Variants in NAV3 observed in about 807,000 individuals in gnomAD.
NAV3 encodes the protein neuron navigator 3, also known as pore membrane and/or filament interacting like protein 1.
Under a neutral mutation model 244.7 loss-of-function variants are expected in NAV3, and 87 were observed. The ratio of observed to expected loss-of-function variants is 0.36; its 90% CI spans 0.30 to 0.42. The LOEUF is 0.42. NAV3 is among the 20% of genes least tolerant of loss of function. The pLI, the probability that NAV3 is intolerant of heterozygous loss-of-function variation, is 1.00. For synonymous variants in NAV3, 1,126 were observed against 1,042.2 expected, an observed-to-expected ratio of 1.08 and a Z score of -1.55; for missense variants, 2,663 against 2,893.3, an observed-to-expected ratio of 0.92 and a Z score of 1.83.
intron 2 of NAV3, among the ~76,000 whole-genome samples, chr12:77,700,872 G>C (rs940621484): frequency 6.6e-6 from 1 of 151,476 alleles, no homozygotes; most frequent in Non-Finnish European, 1.5e-5. Context: ...ATACAACCTT[G>C]TATTCCTGTA....
intron 1 of NAV3, among the ~76,000 whole-genome samples, chr12:77,872,275 G>A (rs888678468): frequency 6.6e-6 from 1 of 152,012 alleles, no homozygotes; most frequent in Admixed American, 6.6e-5. Context: ...CTCTAGCATG[G>A]GAACAGGTTG....
rs758381782 is a variant in NAV3, at chr12:78,127,209, G to A, written c.4280+1G>A. 2.5e-6 allele frequency: 4 copies of A among 1,613,174 alleles called. No homozygotes were observed. Among genetic ancestry groups the A allele is most frequent in the East Asian group, 2.2e-5 (1 of 44,824 alleles). On this transcript the variant is annotated splice_donor_variant, in intron 17 of 39. Coordinates refer to ENST00000397909, the MANE Select transcript of NAV3 (RefSeq NM_001024383.2). LOFTEE classifies it high-confidence loss of function. Reference sequence around the variant, plus strand: ...ATACACTACCCAAAAAGGGACTAAGGTATATATTCCTCTCAGCACAATTGC... The same window carrying A: ...ATACACTACCCAAAAAGGGACTAAGATATATATTCCTCTCAGCACAATTGC...
intron 30 of NAV3, among the ~76,000 whole-genome samples, chr12:78,183,339 A>C (rs78320121): frequency 1.3e-5 from 2 of 152,104 alleles, no homozygotes; most frequent in East Asian, 3.9e-4. Flanking sequence ...ATAAACACAA[A>C]TAATGGCTGG....
At chr12:78,123,565 T>G (rs577099538) in intron 16 of NAV3, among the ~76,000 whole-genome samples, 19 of 152,248 alleles carry the variant, frequency 1.2e-4, no homozygotes, top group African/African-American at 4.1e-4. Context: ...AAAACATTGC[T>G]TCTTTCCCTC....
intron 1 of NAV3, among the ~76,000 whole-genome samples, chr12:77,902,779 G>A (rs561588580): frequency 3.3e-5 from 5 of 152,108 alleles, no homozygotes; most frequent in Admixed American, 2.6e-4. Flanking sequence ...TAAGCTGATA[G>A]ACAACTTCAG....
At chr12:77,992,411 A>G (rs1871602505) in intron 5 of NAV3, among the ~76,000 whole-genome samples, 4 of 152,174 alleles carry the variant, frequency 2.6e-5, no homozygotes. Flanking sequence ...ATTGAAAGGG[A>G]AATGGAAAGA....
intron 2 of NAV3, among the ~76,000 whole-genome samples, chr12:77,613,841 T>C (rs949412390): frequency 1.3e-5 from 2 of 152,170 alleles, no homozygotes; most frequent in East Asian, 1.9e-4. Context: ...TGAAACACCA[T>C]TTATTTAACC....
intron 2 of NAV3, among the ~76,000 whole-genome samples, chr12:77,758,594 G>A (rs778437654): frequency 3.3e-5 from 5 of 152,122 alleles, no homozygotes; most frequent in East Asian, 1.9e-4. Context: ...CCAGTTATAC[G>A]CAGTCTAAAT....
At chr12:77,941,478 C>A (rs1889864602) in intron 3 of NAV3, among the ~76,000 whole-genome samples, 1 of 152,142 alleles carries the variant, frequency 6.6e-6, no homozygotes, top group Admixed American at 6.6e-5. Context: ...ACAGGCTTTG[C>A]CATGGGCATT....
At chr12:77,626,884 G>A (rs560632925) in intron 2 of NAV3, among the ~76,000 whole-genome samples, 30 of 152,150 alleles carry the variant, frequency 2.0e-4, no homozygotes, top group African/African-American at 7.2e-4. Context: ...AAACTCACTA[G>A]TAGAACTGAT....
rs183111603 is a variant in NAV3, at chr12:77,686,100, G to A, written c.72+113834G>A. Among the ~76,000 whole-genome samples, 97 of 152,266 alleles carry A rather than the reference G, an allele frequency of 6.4e-4. 2 individuals are homozygous for A. The highest frequency in any genetic ancestry group is 2.1e-4 in the South Asian group (1 of 4,826). On this transcript the variant is annotated intron_variant, in intron 2 of 8. Transcript: ENST00000550042. The stretch of plus-strand genomic sequence containing the variant: ...TTTTAACTGTCCTGATATATTCAGA[G>A]CCTAGATATAGTGATTATTAAGGGA...
At chr12:77,705,790 A>T (rs1393447691) in intron 2 of NAV3, among the ~76,000 whole-genome samples, 1 of 151,426 alleles carries the variant, frequency 6.6e-6, no homozygotes, top group Non-Finnish European at 1.5e-5. Context: ...CTGACCACAG[A>T]TTGAGGTATC....
intron 2 of NAV3, among the ~76,000 whole-genome samples, chr12:77,710,823 T>A (rs898031327): frequency 2.0e-5 from 3 of 152,212 alleles, no homozygotes; most frequent in African/African-American, 7.2e-5. Flanking sequence ...TTGATCTAGC[T>A]CTTGGCAATA....
At chr12:78,168,613 A>G in intron 23 of NAV3, 142 bp from the exon 24 acceptor site, 1 of 576,130 alleles carries the variant, frequency 1.7e-6, no homozygotes, top group East Asian at 2.9e-5. Flanking sequence ...TATTAGGTAC[A>G]GCTTGACAAG....
chr12:77,742,596 CA>C (rs933791116), intron 2 of NAV3, among the ~76,000 whole-genome samples: 22 of 151,756 alleles, frequency 1.4e-4, no homozygotes, highest in African/African-American at 3.4e-4. Flanking sequence ...CCATAAAACA[CA>C]AAAAAATTTA....
In NAV3 at chr12:78,006,730, C is replaced by T. The variant is rs375778220; in HGVS notation, c.1192C>T (p.Arg398Cys). Residue 398 changes from arginine (R) to cysteine (C), a missense_variant, in exon 8 of 40, where the codon CGC (arginine) becomes TGC (cysteine). Transcript: ENST00000397909. Reference protein sequence around the residue: ...FKLVNARTALRPPQPPSSGPS... With the variant: ...FKLVNARTALCPPQPPSSGPS... ...GCTAGTCAATGCCCGGACTGCTTTA[C>T]GCCCCCCGCAGCCTCCCAGTTCAGG... 1.3e-5 allele frequency: 21 copies of T among 1,613,850 alleles called. No homozygotes were observed. Among genetic ancestry groups the T allele is most frequent in the South Asian group, 6.6e-5 (6 of 91,080 alleles).
chr12:77,960,293 T>C (rs533437318), intron 3 of NAV3, among the ~76,000 whole-genome samples: 1 of 152,168 alleles, frequency 6.6e-6, no homozygotes, highest in South Asian at 2.1e-4. Flanking sequence ...GCTTCAAGCA[T>C]GAAAACACTA....
At chr12:78,101,264 A>C (rs1468442770) in intron 12 of NAV3, among the ~76,000 whole-genome samples, 1 of 152,232 alleles carries the variant, frequency 6.6e-6, no homozygotes, top group Non-Finnish European at 1.5e-5. Context: ...CATAAATTAC[A>C]GAATGAAAGC....
chr12:77,633,781 G>T (rs1160676134), intron 2 of NAV3, among the ~76,000 whole-genome samples: 2 of 152,126 alleles, frequency 1.3e-5, no homozygotes, highest in Non-Finnish European at 2.9e-5. Flanking sequence ...TACTGATCGA[G>T]TTTGGGAAGA....
Sources: allele counts gnomAD v4.1 joint callset (sites outside exome capture counted in the v4.1 genomes callset), GRCh38; gene constraint gnomAD v4.1.1; transcripts MANE v1.5; gene names NCBI Gene and HGNC (gene_info 2026-07-23, HGNC 2026-07-21).